The following EPHA6 variants were observed in gnomAD, a reference collection of about 807,000 sequenced individuals.
EPHA6 encodes the protein ephrin type-A receptor 6.
EPHA6 carries 50 observed loss-of-function variants against 112.0 expected under a neutral mutation model. That is an observed-to-expected ratio of 0.45 (90% CI 0.36 to 0.56). The LOEUF (loss-of-function observed/expected upper bound fraction) is 0.56. Ranked by LOEUF, EPHA6 falls within the 20% of genes least tolerant of loss-of-function variation. The pLI, the probability that EPHA6 is intolerant of heterozygous loss-of-function variation, is 0.00. For missense variants in EPHA6, 1,280 were observed against 1,417.4 expected (o/e 0.90, Z 1.56); for synonymous variants, 529 against 490.7 (o/e 1.08, Z -1.03).
chr3:97,070,048 A>G (rs749570728), intron 3 of EPHA6, among the ~76,000 whole-genome samples: 2 of 152,046 alleles, frequency 1.3e-5, no homozygotes, highest in Non-Finnish European at 2.9e-5. Context: ...TTCTGTTGTC[A>G]TTCTTATCTC....
At chr3:97,417,047 C>T (rs915656150) in intron 6 of EPHA6, among the ~76,000 whole-genome samples, 3 of 151,830 alleles carry the variant, frequency 2.0e-5, no homozygotes, top group Non-Finnish European at 4.4e-5. Flanking sequence ...GGAATGAATC[C>T]AAAACAAAAT....
intron 5 of EPHA6, among the ~76,000 whole-genome samples, chr3:97,253,109 A>C (rs1164425211): frequency 6.6e-6 from 1 of 152,222 alleles, no homozygotes; most frequent in Non-Finnish European, 1.5e-5. Context: ...GTGAAAAAAA[A>C]CAAAATTAAA....
Position 97,588,680 on chromosome 3 carries a change from G to T in EPHA6, c.2387-3932G>T, listed in dbSNP as rs562143804. ...CTAAGACTGCTAAATAATAGCAATG[G>T]TTTATATTTATAATCATTTGCTACA... is the stretch of plus-strand genomic sequence containing the variant. On this transcript the variant is annotated intron_variant, in intron 11 of 17. Transcript: ENST00000389672. Among the ~76,000 whole-genome samples the T allele has an allele frequency of 3.3e-5, 5 of 152,256 alleles. No homozygotes were observed. The East Asian group carries it at 5.8e-4, about 18-fold the overall frequency.
chr3:97,134,502 G>A (rs1341964232), intron 3 of EPHA6, among the ~76,000 whole-genome samples: 1 of 152,074 alleles, frequency 6.6e-6, no homozygotes, highest in Admixed American at 6.6e-5. Context: ...GAAATCAAGA[G>A]TCATCGATTC....
At chr3:96,823,242 T>C (rs1398012683) in intron 1 of EPHA6, among the ~76,000 whole-genome samples, 1 of 151,762 alleles carries the variant, frequency 6.6e-6, no homozygotes, top group African/African-American at 2.4e-5. Context: ...TTCTGAGAAT[T>C]GATATCTCAC....
chr3:97,255,144 A>ATGTG (rs10631180), intron 5 of EPHA6, among the ~76,000 whole-genome samples: 5,773 of 144,298 alleles, frequency 0.04, 182 homozygotes, highest in East Asian at 0.19. Flanking sequence ...TACATCTTGG[A>ATGTG]TGTGTGTGTG....
chr3:96,926,292 G>A (rs1189252795), intron 2 of EPHA6, among the ~76,000 whole-genome samples: 2 of 152,060 alleles, frequency 1.3e-5, no homozygotes, highest in Non-Finnish European at 2.9e-5. Flanking sequence ...CCATGATCCA[G>A]TCACCTCCCA....
At position 97,289,936 on chromosome 3, in the gene EPHA6, A is replaced by G. The variant is rs183247204; in HGVS notation, c.1606+45649A>G. On this transcript the variant is annotated intron_variant, in intron 5 of 17. Transcript: ENST00000389672. ...TTATTTTTGTTGCTTCTTTGTATGA[A>G]TTTTTGGATCTCAATTTTGTTTAGT... Among the ~76,000 whole-genome samples the G allele has an allele frequency of 1.4e-3, 214 of 151,964 alleles. 1 individual carries two copies. Among genetic ancestry groups the G allele is most frequent in the Non-Finnish European group, 1.8e-3 (123 of 67,900 alleles).
At chr3:97,715,664 T>C (rs190732095) in intron 14 of EPHA6, among the ~76,000 whole-genome samples, 2 of 152,210 alleles carry the variant, frequency 1.3e-5, no homozygotes, top group Admixed American at 6.5e-5. Context: ...TTTCAATTGA[T>C]TGGTCTCTCC....
At chr3:96,980,210 T>C (rs896328583) in intron 2 of EPHA6, among the ~76,000 whole-genome samples, 2 of 152,206 alleles carry the variant, frequency 1.3e-5, no homozygotes, top group African/African-American at 4.8e-5. Flanking sequence ...CTTTAATCCA[T>C]CTTGAATTGA....
chr3:97,201,602 T>A (rs999123656), intron 3 of EPHA6, among the ~76,000 whole-genome samples: 2 of 152,132 alleles, frequency 1.3e-5, no homozygotes, highest in Non-Finnish European at 2.9e-5. Flanking sequence ...TGACTAGAAA[T>A]CCCTCAGAAA....
At chr3:97,420,095 C>G (rs2088491218) in intron 6 of EPHA6, among the ~76,000 whole-genome samples, 1 of 152,046 alleles carries the variant, frequency 6.6e-6, no homozygotes, top group Non-Finnish European at 1.5e-5. Context: ...TTGATCAACA[C>G]TAAATATTAA....
chr3:97,359,452 GTT>G (rs112074834), intron 5 of EPHA6, among the ~76,000 whole-genome samples: 1 of 132,458 alleles, frequency 7.5e-6, no homozygotes, highest in South Asian at 2.3e-4. Context: ...TTCATACATT[GTT>G]TTTTTTTTTT....
intron 14 of EPHA6, among the ~76,000 whole-genome samples, chr3:97,663,897 G>A (rs753979705): frequency 1.6e-4 from 25 of 152,118 alleles, no homozygotes; most frequent in African/African-American, 4.3e-4. Flanking sequence ...CTAGATCCCC[G>A]AGGAATTGCC....
intron 3 of EPHA6, among the ~76,000 whole-genome samples, chr3:97,180,149 G>A (rs1044497897): frequency 6.6e-6 from 1 of 152,014 alleles, no homozygotes. Flanking sequence ...CAAAGGCAGA[G>A]GAGCGTTCGT....
intron 5 of EPHA6, among the ~76,000 whole-genome samples, chr3:97,301,153 T>C (rs1235377894): frequency 2.6e-5 from 4 of 152,184 alleles, no homozygotes; most frequent in Admixed American, 6.5e-5. Context: ...TGAGGTTATC[T>C]GATCTTGGCA....
intron 7 of EPHA6, among the ~76,000 whole-genome samples, chr3:97,467,458 G>A (rs1386591893): frequency 6.6e-6 from 1 of 151,668 alleles, no homozygotes; most frequent in Non-Finnish European, 1.5e-5. Flanking sequence ...AACCCCAAGT[G>A]CATAGATATG....
intron 5 of EPHA6, among the ~76,000 whole-genome samples, chr3:97,361,065 A>T (rs542052301): frequency 6.6e-6 from 1 of 152,132 alleles, no homozygotes; most frequent in Non-Finnish European, 1.5e-5. Context: ...CTTCCATCCA[A>T]TGGAGATCAA....
At chr3:97,291,769 C>G (rs915876827) in intron 5 of EPHA6, among the ~76,000 whole-genome samples, 2 of 152,048 alleles carry the variant, frequency 1.3e-5, no homozygotes, top group Non-Finnish European at 2.9e-5. Context: ...CTATAATGAC[C>G]TTGTCTCTTT....
Sources: allele counts gnomAD v4.1 joint callset (sites outside exome capture counted in the v4.1 genomes callset), GRCh38; gene constraint gnomAD v4.1.1; transcripts MANE v1.5; gene names NCBI Gene and HGNC (gene_info 2026-07-23, HGNC 2026-07-21).